KAZN: variants seen among roughly 807,000 people sequenced by gnomAD.
KAZN encodes the protein kazrin, periplakin interacting protein.
Under a neutral mutation model 87.4 loss-of-function variants are expected in KAZN, and 40 were observed. The observed-to-expected ratio is 0.46, with a 90% CI of 0.36 to 0.60. The LOEUF (loss-of-function observed/expected upper bound fraction) is 0.60, where lower values mean the gene tolerates loss of function less well. Ranked by LOEUF, KAZN falls within the 20% of genes least tolerant of loss-of-function variation. KAZN has a pLI of 0.00. For missense variants in KAZN, 898 were observed against 1,073.9 expected, an observed-to-expected ratio of 0.84 and a Z score of 2.29; for synonymous variants, 466 against 458.3, an observed-to-expected ratio of 1.02 and a Z score of -0.22.
At chr1:15,095,314 G>GA (rs1640759334) in intron 10 of KAZN, among the ~76,000 whole-genome samples, 1 of 151,960 alleles carries the variant, frequency 6.6e-6, no homozygotes, top group Admixed American at 6.5e-5. Flanking sequence ...ACAGGGTGAG[G>GA]AAAAACGGTG....
intron 1 of KAZN, among the ~76,000 whole-genome samples, chr1:14,791,040 C>T (rs900627728): frequency 1.3e-5 from 2 of 152,172 alleles, no homozygotes; most frequent in Non-Finnish European, 1.5e-5. Flanking sequence ...GCTGCCATCT[C>T]TCTGCCTCCA....
At chr1:14,956,360 G>A (rs997368615) in intron 1 of KAZN, among the ~76,000 whole-genome samples, 6 of 151,038 alleles carry the variant, frequency 4.0e-5, no homozygotes, top group Non-Finnish European at 8.8e-5. Flanking sequence ...AGCACTTTGG[G>A]AGGCTGAGGC....
chr1:14,909,192 G>A (rs1387248575), intron 1 of KAZN, among the ~76,000 whole-genome samples: 1 of 152,110 alleles, frequency 6.6e-6, no homozygotes, highest in African/African-American at 2.4e-5. Context: ...TATCCCATAG[G>A]GTTTGGCGGC....
At chr1:14,050,418 C>T (rs1642278938) in intron 1 of KAZN, among the ~76,000 whole-genome samples, 1 of 152,150 alleles carries the variant, frequency 6.6e-6, no homozygotes, top group African/African-American at 2.4e-5. Context: ...AATTGACTCA[C>T]AGTTCCGCAT....
intron 1 of KAZN, among the ~76,000 whole-genome samples, chr1:14,814,049 A>G (rs972760736): frequency 1.2e-4 from 19 of 152,168 alleles, no homozygotes; most frequent in Admixed American, 1.3e-4. Context: ...GCCTCTGTCA[A>G]TGGGTGATGC....
exon 1 of KAZN, chr1:13,893,553 T>C: frequency 2.1e-6 from 3 of 1,458,968 alleles, no homozygotes; most frequent in Non-Finnish European, 1.8e-6. Flanking sequence ...TTCTTGGAAG[T>C]GACAAGTAGC....
intron 2 of KAZN, among the ~76,000 whole-genome samples, chr1:14,224,630 A>G (rs1281603983): frequency 6.6e-6 from 1 of 152,144 alleles, no homozygotes; most frequent in African/African-American, 2.4e-5. Context: ...AGTTTGAAAG[A>G]AGCTACCAGC....
At chr1:13,979,069 C>G (rs1343982452) in intron 1 of KAZN, among the ~76,000 whole-genome samples, 1 of 151,250 alleles carries the variant, frequency 6.6e-6, no homozygotes, top group Non-Finnish European at 1.5e-5. Flanking sequence ...ATACTCCAGC[C>G]TTGGTGACAG....
intron 1 of KAZN, among the ~76,000 whole-genome samples, chr1:13,981,128 T>TATGTA (rs375605048): frequency 1.4e-4 from 19 of 134,408 alleles, no homozygotes; most frequent in Non-Finnish European, 2.4e-4. Flanking sequence ...TAAACACAGA[T>TATGTA]TATATATAGT....
At chr1:13,993,270 T>C (rs1190546735) in intron 1 of KAZN, among the ~76,000 whole-genome samples, 1 of 152,110 alleles carries the variant, frequency 6.6e-6, no homozygotes, top group Non-Finnish European at 1.5e-5. Context: ...GTTACACATG[T>C]GGCATAAATG....
At position 15,094,397 on chromosome 1, in the gene KAZN, C is replaced by T. The variant is rs778335524; in HGVS notation, c.1428+12C>T. The T allele has an allele frequency of 9.3e-6, 15 of 1,605,704 alleles. No individual in the cohort carries two copies. The highest frequency in any genetic ancestry group is 3.4e-5 in the Admixed American group (2 of 58,884). On this transcript the variant is annotated intron_variant, in intron 9 of 14. Transcript: ENST00000376030. This position sits in a 1 kb window ranked among gnomAD's most constrained non-coding sequence, Gnocchi z 4.5. ...TGAAGAGCGGGAAGGTAGGCAACTCCGGGCCCCCTATGGGATGCCACCCAT... is the reference window on the plus strand; with the variant it reads ...TGAAGAGCGGGAAGGTAGGCAACTCTGGGCCCCCTATGGGATGCCACCCAT...
chr1:15,018,074 C>G (rs1374716114), intron 2 of KAZN, among the ~76,000 whole-genome samples: 2 of 152,112 alleles, frequency 1.3e-5, no homozygotes, highest in African/African-American at 4.8e-5. Flanking sequence ...TCTCCCCCTC[C>G]ATTTTTCTGG....
intron 1 of KAZN, among the ~76,000 whole-genome samples, chr1:13,971,527 G>A (rs1642135885): frequency 6.6e-6 from 1 of 152,040 alleles, no homozygotes; most frequent in Non-Finnish European, 1.5e-5. Context: ...ACGTGCCTTG[G>A]TTACCAGAAC....
At chr1:14,799,470 T>G (rs1203499768) in intron 1 of KAZN, among the ~76,000 whole-genome samples, 1 of 152,336 alleles carries the variant, frequency 6.6e-6, no homozygotes, top group South Asian at 2.1e-4. Context: ...TGAAACCTCT[T>G]TAGAATATTG....
intron 1 of KAZN, among the ~76,000 whole-genome samples, chr1:14,671,213 A>G (rs1639896872): frequency 6.6e-6 from 1 of 152,210 alleles, no homozygotes; most frequent in Non-Finnish European, 1.5e-5. Context: ...GCATGCTGCT[A>G]TCTAATATAT....
chr1:13,949,748 G>T (rs1186251488), intron 1 of KAZN, among the ~76,000 whole-genome samples: 1 of 152,160 alleles, frequency 6.6e-6, no homozygotes, highest in Non-Finnish European at 1.5e-5. Flanking sequence ...CCAAGGCTGA[G>T]CCAGCTGGCA....
intron 1 of KAZN, among the ~76,000 whole-genome samples, chr1:13,895,500 G>T (rs1221809233): frequency 6.6e-6 from 1 of 152,008 alleles, no homozygotes; most frequent in Non-Finnish European, 1.5e-5. Flanking sequence ...ATGCAACATG[G>T]AATAATAATG....
intron 1 of KAZN, among the ~76,000 whole-genome samples, chr1:14,955,436 T>C (rs896137899): frequency 6.6e-6 from 1 of 152,258 alleles, no homozygotes; most frequent in Non-Finnish European, 1.5e-5. Flanking sequence ...GTACCAGGGC[T>C]GTCTCCACTC....
intron 1 of KAZN, among the ~76,000 whole-genome samples, chr1:14,946,943 G>C (rs1661876351): frequency 6.6e-6 from 1 of 152,182 alleles, no homozygotes; most frequent in South Asian, 2.1e-4. Flanking sequence ...AGTCTTCTCA[G>C]AAAGTTAGCT....
Sources: allele counts gnomAD v4.1 joint callset (sites outside exome capture counted in the v4.1 genomes callset), GRCh38; gene constraint gnomAD v4.1.1; non-coding constraint Gnocchi (gnomAD v3.1); transcripts MANE v1.5; gene names NCBI Gene and HGNC (gene_info 2026-07-23, HGNC 2026-07-21).